KIZ: variants seen among roughly 807,000 people sequenced by gnomAD.
KIZ encodes the protein centrosomal protein kizuna.
KIZ carries 68 observed loss-of-function variants against 79.6 expected under a neutral mutation model. The ratio of observed to expected loss-of-function variants is 0.85; its 90% confidence interval spans 0.70 to 1.05. The LOEUF (loss-of-function observed/expected upper bound fraction) is 1.05. Ranked by LOEUF, KIZ falls within the 50% of genes least tolerant of loss-of-function variation. The pLI is 0.00. For missense variants in KIZ, 797 were observed against 800.4 expected (o/e 1.00, Z 0.05); for synonymous variants, 280 against 281.8 (o/e 0.99, Z 0.06).
rs909709600 is a variant in KIZ, at chr20:21,132,078, A to G, written c.90-19A>G. 1 of 1,037,032 alleles carries G rather than the reference A, an allele frequency of 9.6e-7. No homozygotes were observed. The allele number at this position is 1,037,032 out of a possible 1,614,324, so 64.2% of individuals were successfully genotyped here. Reference sequence around the variant, plus strand: ...TGTTACTTATCATGTAATTACTTATAAAATGTTTTTTATTATAGTGAAAAG... The same window carrying G: ...TGTTACTTATCATGTAATTACTTATGAAATGTTTTTTATTATAGTGAAAAG... On this transcript the variant is annotated intron_variant, in intron 1 of 12. Transcript: ENST00000619189.
rs2032246018 is a variant in KIZ, at chr20:21,137,232, CT to C, written c.315+682del. 2.0e-5 allele frequency among the ~76,000 whole-genome samples: 3 copies of C among 152,332 alleles called. No homozygotes were observed. The South Asian group carries it at 6.2e-4, about 32-fold the overall frequency. ...GTCTGTGTGACCCAGAGTGACTGCC[CT>C]TGCAGCTCTCTCTGGTTCTGGCACC... is the stretch of plus-strand genomic sequence containing the variant. On this transcript the variant is annotated intron_variant, in intron 3 of 12. Coordinates refer to ENST00000619189, the MANE Select transcript of KIZ (RefSeq NM_018474.6).
chr20:21,178,783 G>C (rs191070882), intron 6 of KIZ, among the ~76,000 whole-genome samples: 1 of 152,108 alleles, frequency 6.6e-6, no homozygotes, highest in Non-Finnish European at 1.5e-5. Flanking sequence ...TATTGGGAAG[G>C]GGTGTTGAAT....
At chr20:21,141,428 T>C (rs1023858627) in intron 3 of KIZ, among the ~76,000 whole-genome samples, 1 of 152,130 alleles carries the variant, frequency 6.6e-6, no homozygotes, top group Non-Finnish European at 1.5e-5. Context: ...CTAAGCAGCA[T>C]TGATTGAGGA....
At chr20:21,145,506 A>C in intron 3 of KIZ, 59 bp from the exon 4 acceptor site, 1 of 779,032 alleles carries the variant, frequency 1.3e-6, no homozygotes, top group Non-Finnish European at 2.1e-6. Context: ...ACCGCAGTAT[A>C]CAGACAGGTG....
chr20:21,162,353 C>T lies in KIZ; in HGVS notation c.888C>T (p.Ser296=). The T allele has an allele frequency of 6.2e-7, 1 of 1,613,814 alleles. No individual in the cohort carries two copies. Among genetic ancestry groups the T allele is most frequent in the South Asian group, 1.1e-5 (1 of 91,078 alleles). Residue 296 remains serine, a synonymous_variant, in exon 5 of 13, where the codon TCC becomes TCT. Coordinates refer to ENST00000619189, the MANE Select transcript of KIZ (RefSeq NM_018474.6). ...CCACTGATTTAAAGTGTGACAGTTC[C>T]AGCGGATCAGAGGGAGAAATACTGA... ...NRTTDLKCDS[S]SGSEGEILTR...
At chr20:21,142,304 G>A (rs1199775801) in intron 3 of KIZ, among the ~76,000 whole-genome samples, 1 of 151,964 alleles carries the variant, frequency 6.6e-6, no homozygotes, top group Non-Finnish European at 1.5e-5. Context: ...TTACATGTCT[G>A]TTTTCCCACT....
intron 11 of KIZ, among the ~76,000 whole-genome samples, chr20:21,233,789 G>T (rs2036909424): frequency 6.6e-6 from 1 of 151,924 alleles, no homozygotes; most frequent in Admixed American, 6.6e-5. Flanking sequence ...TTAGAACCTG[G>T]AGTATATTAA....
chr20:21,199,060 G>A (rs549773557), intron 6 of KIZ, among the ~76,000 whole-genome samples: 2 of 152,234 alleles, frequency 1.3e-5, no homozygotes, highest in African/African-American at 4.8e-5. Context: ...GCATGGGAAG[G>A]ATATATGCAT....
intron 11 of KIZ, among the ~76,000 whole-genome samples, chr20:21,238,278 C>A (rs1158028163): frequency 6.6e-6 from 1 of 150,652 alleles, no homozygotes; most frequent in Non-Finnish European, 1.5e-5. Flanking sequence ...TGTATGGCAT[C>A]ATGTACTTGA....
At chr20:21,177,901 T>G (rs776133700) in intron 6 of KIZ, among the ~76,000 whole-genome samples, 4 of 152,130 alleles carry the variant, frequency 2.6e-5, no homozygotes, top group Non-Finnish European at 4.4e-5. Flanking sequence ...ATGGATTGAT[T>G]TATGGGCTCT....
chr20:21,239,903 T>C (rs2037157896), intron 11 of KIZ, among the ~76,000 whole-genome samples: 1 of 152,176 alleles, frequency 6.6e-6, no homozygotes, highest in African/African-American at 2.4e-5. Flanking sequence ...AGCAGGGGAA[T>C]TTATAAGCAG....
intron 11 of KIZ, 75 bp from the exon 12 acceptor site, chr20:21,244,170 A>C: frequency 9.8e-7 from 1 of 1,020,512 alleles, no homozygotes; most frequent in Non-Finnish European, 1.5e-6. Flanking sequence ...CTTCTTCTCT[A>C]ATGCGTTCAT....
At chr20:21,180,729 A>G (rs2034622630) in intron 6 of KIZ, among the ~76,000 whole-genome samples, 1 of 152,172 alleles carries the variant, frequency 6.6e-6, no homozygotes, top group Admixed American at 6.5e-5. Flanking sequence ...AATGAGCCCA[A>G]TAGCATTCAA....
Position 21,166,289 on chromosome 20 carries a change from G to A in KIZ, c.1352+3130G>A, listed in dbSNP as rs1600430308. The A allele has an allele frequency of 1.4e-5, 22 of 1,601,628 alleles. No individual in the cohort carries two copies. The East Asian group carries it at 4.5e-4, about 32-fold the overall frequency. On this transcript the variant is annotated intron_variant, in intron 6 of 12. Transcript: ENST00000619189. Reference sequence around the variant, plus strand: ...TCCATGATGCCAGCTGAGGTTGTCAGTACAATGAAACCAACTGGCAGGATG... The same window carrying A: ...TCCATGATGCCAGCTGAGGTTGTCAATACAATGAAACCAACTGGCAGGATG...
intron 10 of KIZ, among the ~76,000 whole-genome samples, chr20:21,229,694 C>A (rs2036774921): frequency 1.3e-5 from 2 of 152,120 alleles, no homozygotes; most frequent in South Asian, 4.1e-4. Context: ...CCCTCCTCAG[C>A]CTCCCAAGTA....
chr20:21,242,949 G>A (rs2037268901), intron 11 of KIZ, among the ~76,000 whole-genome samples: 1 of 152,116 alleles, frequency 6.6e-6, no homozygotes, highest in Admixed American at 6.5e-5. Flanking sequence ...ACCCCTCCTA[G>A]CATTTTTATA....
At chr20:21,230,448 A>G (rs1200598465) in intron 10 of KIZ, among the ~76,000 whole-genome samples, 1 of 152,358 alleles carries the variant, frequency 6.6e-6, no homozygotes, top group East Asian at 1.9e-4. Context: ...GCACTGGGCA[A>G]CAGAGCAAGA....
intron 4 of KIZ, among the ~76,000 whole-genome samples, chr20:21,153,242 G>T (rs1304689037): frequency 6.6e-6 from 1 of 152,082 alleles, no homozygotes; most frequent in Non-Finnish European, 1.5e-5. Flanking sequence ...TACCATTGTT[G>T]TTCTCCACTA....
Position 21,214,515 on chromosome 20 carries a change from CT to C in KIZ, c.1447-13del. The C allele has an allele frequency of 1.3e-5, 20 of 1,575,686 alleles. No individual in the cohort carries two copies. The highest frequency in any genetic ancestry group is 3.5e-5 in the South Asian group (3 of 86,662). The stretch of plus-strand genomic sequence containing the variant: ...TACAGTTTGTTTTTATTTCTTTGTG[CT>C]TTTTTTGAAACACTGTAGGCAACAG... On this transcript the variant is annotated intron_variant, in intron 7 of 12. Coordinates refer to ENST00000619189, the MANE Select transcript of KIZ (RefSeq NM_018474.6).
Sources: gnomAD v4.1 joint callset for allele counts (sites outside exome capture counted in the v4.1 genomes callset) on GRCh38, gnomAD v4.1.1 for gene constraint, MANE v1.5 for transcripts, NCBI Gene and HGNC (gene_info 2026-07-23, HGNC 2026-07-21) for gene names.